Variants in PLEKHG7 observed in about 807,000 individuals in gnomAD.
The protein encoded by PLEKHG7 is pleckstrin homology and RhoGEF domain containing G7, also known as pleckstrin homology domain-containing family G member 7.
PLEKHG7 carries 77 observed loss-of-function variants against 85.2 expected under a neutral mutation model. The ratio of observed to expected loss-of-function variants is 0.90; its 90% CI spans 0.75 to 1.09. The LOEUF is 1.09. Among genes scored for constraint, PLEKHG7 ranks in the 50% least tolerant of loss-of-function variants. The pLI is 0.00. For missense variants in PLEKHG7, 777 were observed against 804.3 expected (o/e 0.97, Z 0.41); for synonymous variants, 301 against 302.4 (o/e 1.00, Z 0.05).
At chr12:92,766,698 C>G (rs1873209157) in intron 15 of PLEKHG7, among the ~76,000 whole-genome samples, 1 of 152,054 alleles carries the variant, frequency 6.6e-6, no homozygotes, top group African/African-American at 2.4e-5. Context: ...GGCGTGGTGG[C>G]ACACACCTGT....
chr12:92,736,034 G>A (rs998646344), intron 5 of PLEKHG7, among the ~76,000 whole-genome samples: 8 of 152,096 alleles, frequency 5.3e-5, no homozygotes, highest in African/African-American at 1.9e-4. Context: ...GGGGCAACTC[G>A]CTTGAACACT....
chr12:92,760,044 C>T (rs1309246450), intron 13 of PLEKHG7, among the ~76,000 whole-genome samples: 2 of 152,170 alleles, frequency 1.3e-5, no homozygotes, highest in Non-Finnish European at 2.9e-5. Context: ...ACCAATATGT[C>T]TGTATTCTAC....
intron 16 of PLEKHG7, 130 bp downstream of exon 16, chr12:92,769,210 A>C (rs1399319252): frequency 3.1e-6 from 2 of 642,848 alleles, no homozygotes; most frequent in Non-Finnish European, 5.3e-6. Flanking sequence ...CAGATTTGGG[A>C]GGAGGGGAGG....
At chr12:92,731,422 T>C (rs1392640028) in intron 4 of PLEKHG7, among the ~76,000 whole-genome samples, 1 of 152,238 alleles carries the variant, frequency 6.6e-6, no homozygotes, top group Non-Finnish European at 1.5e-5. Context: ...GATTGAATTA[T>C]TATGCACACT....
At chr12:92,766,938 A>G (rs2136635880) in intron 15 of PLEKHG7, among the ~76,000 whole-genome samples, 1 of 152,320 alleles carries the variant, frequency 6.6e-6, no homozygotes, top group South Asian at 2.1e-4. Context: ...GGGCCTATTA[A>G]CTTGACTAAT....
intron 9 of PLEKHG7, among the ~76,000 whole-genome samples, chr12:92,745,275 G>A (rs1447072308): frequency 1.3e-5 from 2 of 152,214 alleles, no homozygotes; most frequent in African/African-American, 4.8e-5. Context: ...TGTTTATTAT[G>A]AGAGTACGAT....
intron 4 of PLEKHG7, among the ~76,000 whole-genome samples, chr12:92,730,188 C>G (rs1273697737): frequency 2.0e-5 from 3 of 152,174 alleles, no homozygotes; most frequent in African/African-American, 7.2e-5. Context: ...CCTTTCACAT[C>G]TACTTACTGT....
chr12:92,722,766 G>T (rs1871683128), intron 3 of PLEKHG7, among the ~76,000 whole-genome samples: 1 of 152,152 alleles, frequency 6.6e-6, no homozygotes, highest in Non-Finnish European at 1.5e-5. Context: ...TTCCAGAACG[G>T]AAAAACAAAT....
intron 3 of PLEKHG7, among the ~76,000 whole-genome samples, chr12:92,709,748 A>T (rs1303450500): frequency 6.6e-6 from 1 of 152,228 alleles, no homozygotes; most frequent in Non-Finnish European, 1.5e-5. Context: ...ATTTTAAAAG[A>T]ACAGCTAGGT....
intron 11 of PLEKHG7, 72 bp from the exon 12 acceptor site, chr12:92,755,753 G>A: frequency 2.0e-6 from 2 of 988,772 alleles, no homozygotes; most frequent in South Asian, 2.8e-5. Context: ...TGATTCCTGT[G>A]GACCTTGGTT....
At chr12:92,769,310 C>T (rs1239138743) in intron 16 of PLEKHG7, among the ~76,000 whole-genome samples, 2 of 151,984 alleles carry the variant, frequency 1.3e-5, no homozygotes, top group Non-Finnish European at 2.9e-5. Flanking sequence ...CTCACACTTG[C>T]GGGGTTGAGG....
At chr12:92,765,562 G>A (rs1213446931) in intron 15 of PLEKHG7, among the ~76,000 whole-genome samples, 1 of 151,458 alleles carries the variant, frequency 6.6e-6, no homozygotes, top group Non-Finnish European at 1.5e-5. Context: ...CCGGGAGGCG[G>A]AGGTTGTGGT....
At chr12:92,736,642 A>G in intron 6 of PLEKHG7, 65 bp downstream of exon 6, 1 of 995,346 alleles carries the variant, frequency 1.0e-6, no homozygotes, top group South Asian at 5.1e-5. Flanking sequence ...GGGGTGGGGA[A>G]GGTCGGGTCA....
chr12:92,726,316 G>A (rs1414297754), intron 3 of PLEKHG7, among the ~76,000 whole-genome samples: 1 of 152,130 alleles, frequency 6.6e-6, no homozygotes, highest in Non-Finnish European at 1.5e-5. Flanking sequence ...GTGCTAGATG[G>A]CAATAGACAA....
In PLEKHG7 at chr12:92,771,030, G is replaced by A. The variant is rs938573375; in HGVS notation, c.*835G>A. The A allele has an allele frequency of 7.5e-6, 1 of 134,200 alleles. No homozygotes were observed. The highest frequency in any genetic ancestry group is 2.4e-4 in the East Asian group (1 of 4,208). The allele number at this position is 134,200 out of a possible 1,614,324, so 8.3% of individuals were successfully genotyped here. A position where few individuals can be genotyped will look rare whatever the true frequency, so the allele number is the denominator to read the frequency against. On this transcript the variant is annotated 3_prime_UTR_variant, in exon 17 of 17. Coordinates refer to ENST00000344636, the MANE Select transcript of PLEKHG7 (RefSeq NM_001377329.1). Reference sequence around the variant, plus strand: ...GTGTGTGTGTGTGTGTGTTAGCACAGTACAGTCACTTAATTTTATTTGGCA... The same window carrying A: ...GTGTGTGTGTGTGTGTGTTAGCACAATACAGTCACTTAATTTTATTTGGCA...
intron 13 of PLEKHG7, 92 bp from the exon 14 acceptor site, chr12:92,761,650 GAAAGAAAGAA>G (rs771758500): frequency 1.7e-6 from 2 of 1,168,146 alleles, no homozygotes; most frequent in East Asian, 3.4e-5. Flanking sequence ...AAGAAAGAAA[GAAAGAAAGAA>G]AGAAAGAAAG....
In PLEKHG7 at chr12:92,706,796, G is replaced by A; in HGVS notation, c.165G>A (p.Arg55=). 1 of 1,614,016 alleles carries A rather than the reference G, an allele frequency of 6.2e-7. No homozygotes were observed. Among genetic ancestry groups the A allele is most frequent in the Non-Finnish European group, 8.5e-7 (1 of 1,180,024 alleles). ...CCTCGCCCACTTTGAGGAGATTAAG[G>A]ACCCGTGGCTGTGGGACAAGGCAGG... ...ISTSPTLRRL[R]TRGCGTRQDA... The change falls in exon 2 of 17, where the codon AGG becomes AGA. Residue 55 remains arginine (R), a synonymous_variant. Transcript: ENST00000344636.
intron 10 of PLEKHG7, among the ~76,000 whole-genome samples, chr12:92,749,962 T>C (rs1462914727): frequency 8.4e-5 from 9 of 107,558 alleles, no homozygotes; most frequent in African/African-American, 3.2e-4. Context: ...ATTTTATATT[T>C]TATTTTATAT....
chr12:92,766,227 A>G (rs906857776), intron 15 of PLEKHG7, among the ~76,000 whole-genome samples: 3 of 152,214 alleles, frequency 2.0e-5, no homozygotes, highest in African/African-American at 7.2e-5. Flanking sequence ...TTACTTTTTC[A>G]TGGGGAAAAA....
Sources: allele counts gnomAD v4.1 joint callset (sites outside exome capture counted in the v4.1 genomes callset), GRCh38; gene constraint gnomAD v4.1.1; transcripts MANE v1.5; gene names NCBI Gene and HGNC (gene_info 2026-07-23, HGNC 2026-07-21).